The following SEC31B variants were observed in gnomAD, a reference collection of about 807,000 sequenced individuals.
SEC31B encodes the protein SEC31 homolog B, COPII component.
In SEC31B, 113 loss-of-function variants were observed where a neutral mutation model predicts 135.0. That is an observed-to-expected ratio of 0.84 (90% CI 0.72 to 0.98). The LOEUF (loss-of-function observed/expected upper bound fraction) is 0.98, where lower values mean the gene tolerates loss of function less well. Ranked by LOEUF, SEC31B falls within the 50% of genes least tolerant of loss-of-function variation. SEC31B has a pLI of 0.00. For synonymous variants in SEC31B, 508 were observed against 549.4 expected (o/e 0.92, Z 1.05); for missense variants, 1,296 against 1,421.1 (o/e 0.91, Z 1.42).
At chr10:100,512,049 A>G (rs1851746757) in intron 3 of SEC31B, among the ~76,000 whole-genome samples, 1 of 152,260 alleles carries the variant, frequency 6.6e-6, no homozygotes. Flanking sequence ...GAAAGAAGGC[A>G]AGTCTTGAGA....
intron 11 of SEC31B, chr10:100,500,172 AC>A: frequency 2.2e-6 from 1 of 456,502 alleles, no homozygotes; most frequent in Admixed American, 2.3e-5. Flanking sequence ...GAAGAAGAGA[AC>A]TCTGAATTAC....
intron 1 of SEC31B, among the ~76,000 whole-genome samples, chr10:100,519,567 G>T (rs1266079572): frequency 7.2e-5 from 11 of 152,360 alleles, no homozygotes; most frequent in Admixed American, 7.2e-4. Flanking sequence ...TCCGGCTGGG[G>T]GTTCCCGTGC....
At chr10:100,500,734 C>A (rs1851506016) in intron 11 of SEC31B, among the ~76,000 whole-genome samples, 1 of 152,190 alleles carries the variant, frequency 6.6e-6, no homozygotes, top group African/African-American at 2.4e-5. Flanking sequence ...TCTGAAGCCC[C>A]CGTAATCTTG....
chr10:100,487,580 G>C lies in SEC31B; in HGVS notation c.*36C>G. The C allele has an allele frequency of 6.3e-7, 1 of 1,583,232 alleles. No homozygotes were observed. The highest frequency in any genetic ancestry group is 8.6e-7 in the Non-Finnish European group (1 of 1,158,856). On this transcript the variant is annotated 3_prime_UTR_variant, in exon 26 of 26. Transcript: ENST00000370345. The stretch of plus-strand genomic sequence containing the variant: ...TTCTGCAGGGAGGAGTTATGTAACA[G>C]CAGAAGTGGCCTCCTAGCAAGAGAG...
At chr10:100,516,266 T>C (rs781278167) in intron 2 of SEC31B, 47 bp from the exon 3 acceptor site, 1 of 1,601,490 alleles carries the variant, frequency 6.2e-7, no homozygotes, top group South Asian at 1.1e-5. Context: ...TATGCATGGA[T>C]TTCAGGTATA....
chr10:100,516,052 C>T (rs370699509), intron 3 of SEC31B, 44 bp downstream of exon 3: 53 of 1,599,708 alleles, frequency 3.3e-5, no homozygotes, highest in Middle Eastern at 1.7e-4. Flanking sequence ...CAGGATTCCA[C>T]GTCAGTATCT....
chr10:100,506,261 G>A (rs184653385), intron 8 of SEC31B, 60 bp from the exon 9 acceptor site: 1 of 1,614,066 alleles, frequency 6.2e-7, no homozygotes, highest in East Asian at 2.2e-5. Flanking sequence ...CATGGCTGCA[G>A]CTGAGATTCT....
intron 1 of SEC31B, among the ~76,000 whole-genome samples, chr10:100,518,096 A>T (rs1028604116): frequency 1.3e-5 from 2 of 152,222 alleles, no homozygotes; most frequent in African/African-American, 4.8e-5. Flanking sequence ...CTAAAATAAA[A>T]AATGATTTTG....
chr10:100,497,451 T>A, intron 16 of SEC31B, 171 bp from the exon 17 acceptor site: 1 of 1,473,842 alleles, frequency 6.8e-7, no homozygotes, highest in South Asian at 1.4e-5. Flanking sequence ...CATCATGGTG[T>A]GACAAGACAA....
chr10:100,489,069 T>G, intron 23 of SEC31B, 95 bp from the exon 24 acceptor site: 2 of 1,509,918 alleles, frequency 1.3e-6, no homozygotes, highest in African/African-American at 1.4e-5. Context: ...ACAGTCACAC[T>G]GTTCCCATTA....
chr10:100,508,153 TAG>T, intron 5 of SEC31B, 102 bp from the exon 6 acceptor site: 1 of 1,410,622 alleles, frequency 7.1e-7, no homozygotes, highest in Non-Finnish European at 9.9e-7. Flanking sequence ...AGTCCAAGAA[TAG>T]ACATGGGGCT....
At chr10:100,518,534 G>A (rs1461625416) in intron 1 of SEC31B, among the ~76,000 whole-genome samples, 1 of 152,170 alleles carries the variant, frequency 6.6e-6, no homozygotes, top group African/African-American at 2.4e-5. Flanking sequence ...TGTTCACCAT[G>A]TTGTAACTAG....
chr10:100,509,550 T>C (rs937056809), intron 3 of SEC31B, 39 bp from the exon 4 acceptor site: 1 of 1,515,162 alleles, frequency 6.6e-7, no homozygotes, highest in African/African-American at 1.4e-5. Context: ...CAAACTTAGG[T>C]TCATGTCAGT....
Position 100,505,518 on chromosome 10 carries a change from T to G in SEC31B, c.1045-23A>C, listed in dbSNP as rs374860562. 9.9e-6 allele frequency: 15 copies of G among 1,510,536 alleles called. No homozygotes were observed. The African/African-American group carries it at 2.2e-4, about 22-fold the overall frequency. 93.6% of individuals were successfully genotyped at this position (1,510,536 alleles called of 1,614,324 possible). ...GATCTGGGGGGAAAAGACACCTGCA[T>G]CGCCATCCTAAAGTGGCAGTTTAGT... is the stretch of plus-strand genomic sequence containing the variant. On this transcript the variant is annotated intron_variant, in intron 9 of 25. Coordinates refer to ENST00000370345, the MANE Select transcript of SEC31B (RefSeq NM_015490.4).
At chr10:100,499,871 G>A (rs1056114804) in intron 11 of SEC31B, among the ~76,000 whole-genome samples, 1 of 152,200 alleles carries the variant, frequency 6.6e-6, no homozygotes, top group South Asian at 2.1e-4. Context: ...TCTGGTGAGA[G>A]TAAAATGTCA....
At position 100,505,385 on chromosome 10, in the gene SEC31B, T is replaced by C. The variant is rs1389048149; in HGVS notation, c.1155A>G (p.Arg385=). 3.1e-6 allele frequency: 5 copies of C among 1,613,224 alleles called. No individual in the cohort carries two copies. Among genetic ancestry groups the C allele is most frequent in the Non-Finnish European group, 4.2e-6 (5 of 1,179,652 alleles). Residue 385 remains arginine (R), a synonymous_variant, in exon 10 of 26, where the codon AGA becomes AGG. Transcript: ENST00000370345. ...PPLKKPPKWI[R]RPTGVSFAFG... Reference sequence around the variant, plus strand: ...CAGCAAATGAAACACCTGTTGGTCTTCTAATCCATTTGGGGGGTTTTTTCA... The same window carrying C: ...CAGCAAATGAAACACCTGTTGGTCTCCTAATCCATTTGGGGGGTTTTTTCA...
Position 100,505,405 on chromosome 10 carries a change from T to G in SEC31B, c.1135A>C (p.Lys379Gln). Residue 379 changes from lysine (K) to glutamine (Q), a missense_variant, in exon 10 of 26, where the codon AAA (lysine) becomes CAA (glutamine). Lys to Gln is a moderately conservative substitution (Grantham distance 53). Transcript: ENST00000370345. ...AQAPLIPPLK[K>Q]PPKWIRRPTG... ...GGTCTTCTAATCCATTTGGGGGGTT[T>G]TTTCAGGGGAGGTATCAGTGGTGCT... 1 of 1,611,634 alleles carries G rather than the reference T, an allele frequency of 6.2e-7. No homozygotes were observed. The highest frequency in any genetic ancestry group is 8.5e-7 in the Non-Finnish European group (1 of 1,178,794).
intron 24 of SEC31B, 126 bp downstream of exon 24, chr10:100,488,732 C>G: frequency 7.7e-7 from 1 of 1,302,750 alleles, no homozygotes; most frequent in Non-Finnish European, 1.0e-6. Flanking sequence ...CAATTAAGTA[C>G]AAGATAGAGA....
At chr10:100,488,394 G>C (rs1851227202) in intron 24 of SEC31B, among the ~76,000 whole-genome samples, 1 of 149,286 alleles carries the variant, frequency 6.7e-6, no homozygotes, top group African/African-American at 2.5e-5. Flanking sequence ...GGGAGGCAGA[G>C]CTTGCAGTGA....
Sources: gnomAD v4.1 joint callset for allele counts (sites outside exome capture counted in the v4.1 genomes callset) on GRCh38, gnomAD v4.1.1 for gene constraint, MANE v1.5 for transcripts, NCBI Gene and HGNC (gene_info 2026-07-23, HGNC 2026-07-21) for gene names.